The following RYR3 variants were observed in gnomAD, a reference collection of about 807,000 sequenced individuals.
RYR3 encodes ryanodine receptor 3, also known as brain ryanodine receptor-calcium release channel.
Under a neutral mutation model 584.3 loss-of-function variants are expected in RYR3, and 207 were observed. The ratio of observed to expected loss-of-function variants is 0.35; its 90% CI spans 0.32 to 0.40. The LOEUF (loss-of-function observed/expected upper bound fraction) is 0.40. Among genes scored for constraint, RYR3 ranks in the 10% least tolerant of loss-of-function variants. The probability of loss-of-function intolerance (pLI) is 1.00; values close to 1 mark genes in which losing one functional copy is unlikely to be tolerated. For synonymous variants in RYR3, 2,416 were observed against 2,248.5 expected (o/e 1.07, Z -2.11); for missense variants, 5,616 against 6,089.2 (o/e 0.92, Z 2.59).
chr15:33,849,037 C>T (rs1292918171), intron 94 of RYR3: 4 of 152,312 alleles, frequency 2.6e-5, no homozygotes, highest in South Asian at 2.1e-4. Context: ...GGGGTTTCAC[C>T]GTGTTAGCCA....
chr15:33,438,243 C>A (rs1567236766), intron 1 of RYR3, among the ~76,000 whole-genome samples: 1 of 151,942 alleles, frequency 6.6e-6, no homozygotes, highest in Non-Finnish European at 1.5e-5. Flanking sequence ...TACGGTGGAT[C>A]CCCAGAACTT....
chr15:33,717,372 A>G (rs1473636127), intron 43 of RYR3, among the ~76,000 whole-genome samples: 1 of 152,214 alleles, frequency 6.6e-6, no homozygotes, highest in African/African-American at 2.4e-5. Flanking sequence ...AGGATTCTCC[A>G]TCTCCTTAAC....
intron 22 of RYR3, among the ~76,000 whole-genome samples, chr15:33,630,601 G>A (rs2061216554): frequency 6.6e-6 from 1 of 152,150 alleles, no homozygotes; most frequent in African/African-American, 2.4e-5. Context: ...TGCTCCGTAA[G>A]GTCCCTTGTC....
intron 43 of RYR3, among the ~76,000 whole-genome samples, chr15:33,707,771 T>G (rs907538356): frequency 2.0e-5 from 3 of 152,198 alleles, no homozygotes; most frequent in Admixed American, 6.5e-5. Flanking sequence ...CTAAGCAGGT[T>G]AGGTGATCTC....
chr15:33,829,876 A>G (rs559872591), intron 85 of RYR3, among the ~76,000 whole-genome samples: 1 of 152,332 alleles, frequency 6.6e-6, no homozygotes, highest in Admixed American at 6.5e-5. Flanking sequence ...AGTGGAGGAA[A>G]TAAATGCAGA....
chr15:33,624,666 C>G (rs996970635), intron 20 of RYR3, among the ~76,000 whole-genome samples: 1 of 152,150 alleles, frequency 6.6e-6, no homozygotes. Flanking sequence ...TTTGGAAATG[C>G]TGATAAATGG....
At chr15:33,782,590 C>A (rs1208282122) in intron 65 of RYR3, among the ~76,000 whole-genome samples, 1 of 152,126 alleles carries the variant, frequency 6.6e-6, no homozygotes. Flanking sequence ...GCTTAATGAG[C>A]TGTAAGAAGG....
At chr15:33,716,639 G>A (rs1018748172) in intron 43 of RYR3, among the ~76,000 whole-genome samples, 8 of 152,174 alleles carry the variant, frequency 5.3e-5, no homozygotes, top group African/African-American at 1.9e-4. Flanking sequence ...AGGAAAGCTG[G>A]CTGGGGTGAA....
At chr15:33,836,805 A>T in intron 87 of RYR3, 101 bp from the exon 88 acceptor site, 1 of 818,892 alleles carries the variant, frequency 1.2e-6, no homozygotes, top group East Asian at 2.7e-5. Context: ...ACACTGATGC[A>T]GCCTGCACCT....
chr15:33,478,014 T>A (rs142545822), intron 2 of RYR3, among the ~76,000 whole-genome samples: 3 of 151,378 alleles, frequency 2.0e-5, no homozygotes, highest in Non-Finnish European at 4.4e-5. Context: ...CAATAGAAAA[T>A]GTGTTCCTAG....
At position 33,387,957 on chromosome 15, in the gene RYR3, A is replaced by T. The variant is rs189464534; in HGVS notation, c.51+76861A>T. Among the ~76,000 whole-genome samples, 4 of 130,532 alleles carry T rather than the reference A, an allele frequency of 3.1e-5. No individual in the cohort carries two copies. In the East Asian group the frequency reaches 5.9e-4, roughly 19 times the overall value. The allele number at this position is 130,532 out of a possible 152,430, so 85.6% of individuals were successfully genotyped here. On this transcript the variant is annotated intron_variant, in intron 1 of 103. Coordinates refer to ENST00000634891, the MANE Select transcript of RYR3 (RefSeq NM_001036.6). ...GAGGAAAGAAAGAGGAGGAAATTAT[A>T]AAAAAAATTTTAATTTCACAACACT...
intron 12 of RYR3, among the ~76,000 whole-genome samples, chr15:33,568,095 G>A (rs918036771): frequency 5.1e-4 from 77 of 152,246 alleles, no homozygotes; most frequent in African/African-American, 1.7e-3. Context: ...GTCCAGAATA[G>A]ATCAATCTGT....
At chr15:33,631,363 G>C in intron 23 of RYR3, 70 bp downstream of exon 23, 1 of 1,038,120 alleles carries the variant, frequency 9.6e-7, no homozygotes, top group South Asian at 1.4e-5. Flanking sequence ...CAGGAGGGTG[G>C]TACCAAGACA....
intron 16 of RYR3, among the ~76,000 whole-genome samples, chr15:33,588,389 T>C (rs2058961812): frequency 6.6e-6 from 1 of 152,236 alleles, no homozygotes; most frequent in Non-Finnish European, 1.5e-5. Context: ...AATTTTGTGA[T>C]TTTAGTTTTA....
rs993744136 is a variant in RYR3, at chr15:33,854,566, C to G, written c.13860+117C>G. The G allele has an allele frequency of 1.3e-5, 14 of 1,056,696 alleles. 1 individual carries two copies. In the South Asian group the frequency reaches 1.6e-4, roughly 12 times the overall value. 65.5% of individuals were successfully genotyped at this position (1,056,696 alleles called of 1,614,324 possible). Reference sequence around the variant, plus strand: ...GGGATTGCTTATCAAAGACCAAGAGCCTTATACGTGCTGGGGGAACACTTA... The same window carrying G: ...GGGATTGCTTATCAAAGACCAAGAGGCTTATACGTGCTGGGGGAACACTTA... On this transcript the variant is annotated intron_variant, in intron 97 of 103. Coordinates refer to ENST00000634891, the MANE Select transcript of RYR3 (RefSeq NM_001036.6).
intron 19 of RYR3, among the ~76,000 whole-genome samples, chr15:33,615,351 T>A (rs533549108): frequency 6.6e-6 from 1 of 152,234 alleles, no homozygotes; most frequent in African/African-American, 2.4e-5. Context: ...AACCAAGATA[T>A]GTTTATATGT....
At position 33,605,597 on chromosome 15, in the gene RYR3, G is replaced by A. The variant is rs139432731; in HGVS notation, c.2164+2233G>A. Among the ~76,000 whole-genome samples the A allele has an allele frequency of 5.3e-5, 8 of 152,316 alleles. No homozygotes were observed. In the East Asian group the frequency reaches 1.5e-3, roughly 29 times the overall value. On this transcript the variant is annotated intron_variant, in intron 18 of 103. Transcript: ENST00000634891. ...CATCTGATGAGACATGGAGAAACCA[G>A]TGTCTCCAAGTTTTATACGTTTCAT...
At chr15:33,840,575 A>G in intron 89 of RYR3, 1 of 547,640 alleles carries the variant, frequency 1.8e-6, no homozygotes, top group Non-Finnish European at 3.2e-6. Flanking sequence ...TCCTAACACA[A>G]GTTTCCTCTT....
At chr15:33,803,795 G>A (rs780732354) in intron 69 of RYR3, among the ~76,000 whole-genome samples, 23 of 152,324 alleles carry the variant, frequency 1.5e-4, no homozygotes, top group African/African-American at 2.6e-4. Context: ...GATTACAGGC[G>A]TGAGCCACAG....
Sources: gnomAD v4.1 joint callset for allele counts (sites outside exome capture counted in the v4.1 genomes callset) on GRCh38, gnomAD v4.1.1 for gene constraint, MANE v1.5 for transcripts, NCBI Gene and HGNC (gene_info 2026-07-23, HGNC 2026-07-21) for gene names.